The following PIBF1 variants were observed in gnomAD, a reference collection of about 807,000 sequenced individuals.
PIBF1 encodes progesterone immunomodulatory binding factor 1.
Under a neutral mutation model 112.5 loss-of-function variants are expected in PIBF1, and 90 were observed. That is an observed-to-expected ratio of 0.80 (90% CI 0.67 to 0.95). The LOEUF is 0.95. Among genes scored for constraint, PIBF1 ranks in the 40% least tolerant of loss-of-function variants. PIBF1 has a pLI of 0.00. For synonymous variants in PIBF1, 301 were observed against 288.6 expected (o/e 1.04, Z -0.44); for missense variants, 915 against 852.3 (o/e 1.07, Z -0.92).
intron 10 of PIBF1, among the ~76,000 whole-genome samples, chr13:72,889,925 G>T (rs546966996): frequency 1.6e-3 from 236 of 152,246 alleles, no homozygotes; most frequent in Non-Finnish European, 3.1e-3. Context: ...AACATTTTGT[G>T]TACAGAATTC....
At chr13:72,951,087 A>T (rs1301915224) in intron 14 of PIBF1, among the ~76,000 whole-genome samples, 1 of 152,326 alleles carries the variant, frequency 6.6e-6, no homozygotes, top group South Asian at 2.1e-4. Flanking sequence ...GTTGTGAAGC[A>T]TATTTCTTTG....
At position 72,911,983 on chromosome 13, in the gene PIBF1, GGAAA is replaced by G. The variant is rs200167164; in HGVS notation, c.1639+3308_1639+3311del. Reference sequence around the variant, plus strand: ...TCTAGAAAAAAAGAGAAAGAGAGAAGGAAAGAAAGGAAGGGAAGAAGGAAGGAAG... The same window carrying G: ...TCTAGAAAAAAAGAGAAAGAGAGAAGGAAAGGAAGGGAAGAAGGAAGGAAG... On this transcript the variant is annotated intron_variant, in intron 12 of 17. Coordinates refer to ENST00000326291, the MANE Select transcript of PIBF1 (RefSeq NM_006346.4). Among the ~76,000 whole-genome samples the G allele has an allele frequency of 8.8e-3, 1,266 of 143,876 alleles. 55 individuals carry two copies. Among genetic ancestry groups the G allele is most frequent in the East Asian group, 0.01 (51 of 4,864 alleles). The allele number at this position is 143,876 out of a possible 152,430, so 94.4% of individuals were successfully genotyped here.
At chr13:72,896,607 C>A (rs978364419) in intron 11 of PIBF1, among the ~76,000 whole-genome samples, 17 of 151,978 alleles carry the variant, frequency 1.1e-4, no homozygotes, top group African/African-American at 3.1e-4. Flanking sequence ...GAAAAAAAAT[C>A]AAAAATTCAG....
chr13:73,002,206 GTTAT>G (rs2043892740), intron 17 of PIBF1, among the ~76,000 whole-genome samples: 1 of 152,178 alleles, frequency 6.6e-6, no homozygotes, highest in African/African-American at 2.4e-5. Context: ...AAAAAAAGGA[GTTAT>G]TTGTCTCCCC....
chr13:72,856,417 C>T (rs578103910), intron 10 of PIBF1, among the ~76,000 whole-genome samples: 20 of 152,202 alleles, frequency 1.3e-4, no homozygotes, highest in Admixed American at 1.2e-3. Context: ...TAAAGCCTTG[C>T]TTATTCAGAG....
intron 17 of PIBF1, among the ~76,000 whole-genome samples, chr13:73,010,247 T>TTG (rs1403434504): frequency 6.6e-6 from 1 of 151,286 alleles, no homozygotes; most frequent in African/African-American, 2.4e-5. Flanking sequence ...TTTTTTTTTT[T>TTG]TCTAAATTCT....
At chr13:72,787,182 A>G (rs2034644759) in intron 2 of PIBF1, among the ~76,000 whole-genome samples, 1 of 152,224 alleles carries the variant, frequency 6.6e-6, no homozygotes, top group Non-Finnish European at 1.5e-5. Flanking sequence ...CACATGATAT[A>G]TATTTTTTCA....
At chr13:72,957,974 G>GA (rs1184570679) in intron 14 of PIBF1, among the ~76,000 whole-genome samples, 2 of 151,386 alleles carry the variant, frequency 1.3e-5, no homozygotes, top group South Asian at 2.1e-4. Flanking sequence ...AAGAAAGAAA[G>GA]AAAAAAACAA....
chr13:72,987,858 A>ATTTTTTTTTTTTTTTTTTTTTTTTTTT lies in PIBF1; in HGVS notation c.2050-10941_2050-10940insTTTTTTTTTTTTTTTTTTTTTTTTTTT, dbSNP rs55999445. 8.6e-5 allele frequency among the ~76,000 whole-genome samples: 5 copies of ATTTTTTTTTTTTTTTTTTTTTTTTTTT among 58,136 alleles called. 1 individual carries two copies. The highest frequency in any genetic ancestry group is 2.8e-4 in the African/African-American group (3 of 10,708). The allele number at this position is 58,136 out of a possible 152,430, so 38.1% of individuals were successfully genotyped here. A position where few individuals can be genotyped will look rare whatever the true frequency, so the allele number is the denominator to read the frequency against. ...TTGTAATTTATTTATTTATTTATTT[A>ATTTTTTTTTTTTTTTTTTTTTTTTTTT]TTTTTTTTTTTTTTTTTTTTTTTGA... On this transcript the variant is annotated intron_variant, in intron 16 of 17. Transcript: ENST00000326291.
At chr13:72,955,812 A>G (rs1006860220) in intron 14 of PIBF1, among the ~76,000 whole-genome samples, 32 of 152,112 alleles carry the variant, frequency 2.1e-4, no homozygotes, top group African/African-American at 7.5e-4. Flanking sequence ...TGGACTCATT[A>G]CAAGTCCCTG....
intron 17 of PIBF1, among the ~76,000 whole-genome samples, chr13:73,000,633 G>T (rs1230555989): frequency 6.6e-6 from 1 of 152,164 alleles, no homozygotes; most frequent in Non-Finnish European, 1.5e-5. Context: ...AGGGTCAGAT[G>T]AAAACCACAA....
chr13:72,844,156 T>A (rs79062656), intron 9 of PIBF1, among the ~76,000 whole-genome samples: 3,335 of 152,266 alleles, frequency 0.022, 134 homozygotes, highest in African/African-American at 0.076. Flanking sequence ...ACAAGTAAGG[T>A]AATTGAGACA....
chr13:72,951,100 GATAATTAGTCAC>G (rs1302274395), intron 14 of PIBF1, among the ~76,000 whole-genome samples: 1 of 152,206 alleles, frequency 6.6e-6, no homozygotes, highest in Non-Finnish European at 1.5e-5. Flanking sequence ...TTTCTTTGTG[GATAATTAGTCAC>G]ATTTATTTAT....
At chr13:73,015,605 G>A (rs532586268) in intron 17 of PIBF1, among the ~76,000 whole-genome samples, 35 of 152,142 alleles carry the variant, frequency 2.3e-4, no homozygotes, top group African/African-American at 7.7e-4. Context: ...AAATCAATTC[G>A]TAAAATAATT....
intron 16 of PIBF1, among the ~76,000 whole-genome samples, chr13:72,990,592 A>G (rs2043447288): frequency 6.6e-6 from 1 of 151,542 alleles, no homozygotes; most frequent in African/African-American, 2.4e-5. Context: ...TCACACCTGT[A>G]ATACCAGCAC....
chr13:72,853,936 G>T, intron 9 of PIBF1, 121 bp from the exon 10 acceptor site: 1 of 709,896 alleles, frequency 1.4e-6, no homozygotes, highest in East Asian at 2.7e-5. Context: ...TTTATATAGT[G>T]TACACTTTGG....
chr13:72,813,276 T>C (rs1183177613), intron 5 of PIBF1, among the ~76,000 whole-genome samples: 1 of 152,208 alleles, frequency 6.6e-6, no homozygotes, highest in Non-Finnish European at 1.5e-5. Context: ...GAGATGAAAA[T>C]GTGAATGCAT....
chr13:72,959,896 A>G (rs6562733), intron 14 of PIBF1, among the ~76,000 whole-genome samples: 113,102 of 152,050 alleles, frequency 0.74, 42,456 homozygotes, highest in African/African-American at 0.82. Context: ...TTCCTATAAG[A>G]AAAAGATTAC....
intron 2 of PIBF1, among the ~76,000 whole-genome samples, chr13:72,789,113 C>G (rs988953245): frequency 1.3e-5 from 2 of 152,150 alleles, no homozygotes; most frequent in Non-Finnish European, 2.9e-5. Flanking sequence ...TAGCTTTACA[C>G]TTTTATTTCC....
Sources: gnomAD v4.1 joint callset for allele counts (sites outside exome capture counted in the v4.1 genomes callset) on GRCh38, gnomAD v4.1.1 for gene constraint, MANE v1.5 for transcripts, NCBI Gene and HGNC (gene_info 2026-07-23, HGNC 2026-07-21) for gene names.